The following SLC39A11 variants were observed in gnomAD, a reference collection of about 807,000 sequenced individuals.
SLC39A11 encodes the protein solute carrier family 39 member 11.
Under a neutral mutation model 36.1 loss-of-function variants are expected in SLC39A11, and 33 were observed. That is an observed-to-expected ratio of 0.91 (90% confidence interval 0.69 to 1.22). The LOEUF is 1.22. Ranked by LOEUF, SLC39A11 falls within the 50% of genes most tolerant of loss-of-function variation. SLC39A11 has a pLI of 0.00. For synonymous variants in SLC39A11, 166 were observed against 170.3 expected, an observed-to-expected ratio of 0.97 and a Z score of 0.20; for missense variants, 432 against 430.3, an observed-to-expected ratio of 1.00 and a Z score of -0.03.
At chr17:72,830,340 T>C (rs75583103) in intron 6 of SLC39A11, among the ~76,000 whole-genome samples, 1 of 151,808 alleles carries the variant, frequency 6.6e-6, no homozygotes, top group Non-Finnish European at 1.5e-5. Flanking sequence ...TTTTTTTTTT[T>C]CCTAAATCAG....
chr17:72,703,779 A>T (rs2072760535), intron 7 of SLC39A11, among the ~76,000 whole-genome samples: 1 of 152,250 alleles, frequency 6.6e-6, no homozygotes, highest in African/African-American at 2.4e-5. Context: ...GGAGAGGCTT[A>T]GAAATTAATT....
intron 6 of SLC39A11, among the ~76,000 whole-genome samples, chr17:72,797,895 C>G (rs2076946370): frequency 6.6e-6 from 1 of 152,146 alleles, no homozygotes; most frequent in Admixed American, 6.5e-5. Flanking sequence ...GAGTTTGCAT[C>G]TAGCATCTGG....
chr17:72,981,426 C>T (rs946090720), intron 4 of SLC39A11, among the ~76,000 whole-genome samples: 39 of 152,012 alleles, frequency 2.6e-4, no homozygotes, highest in African/African-American at 6.8e-4. Context: ...TTTACATTAA[C>T]GGAGAAAAGA....
rs141252157 is a variant in SLC39A11 at position 72,986,534 on chromosome 17, A to G, written c.307-38659T>C. 6.6e-5 allele frequency among the ~76,000 whole-genome samples: 10 copies of G among 152,208 alleles called. No homozygotes were observed. In the East Asian group the frequency reaches 1.9e-3, roughly 29 times the overall value. On this transcript the variant is annotated intron_variant, in intron 4 of 9. Transcript: ENST00000255559. ...AACTGTGAGGTCCCATTACTGCCAC[A>G]CTGCTGCACCCTCCACCCCCAGCTA...
intron 7 of SLC39A11, among the ~76,000 whole-genome samples, chr17:72,733,673 G>A (rs910193981): frequency 3.3e-5 from 5 of 152,174 alleles, no homozygotes; most frequent in Admixed American, 6.5e-5. Context: ...CAACAGGGTT[G>A]CCTGTTCACT....
chr17:72,894,296 A>T (rs2146781343), intron 5 of SLC39A11, among the ~76,000 whole-genome samples: 1 of 131,484 alleles, frequency 7.6e-6, no homozygotes, highest in South Asian at 2.7e-4. Flanking sequence ...CAGGAAGCGG[A>T]GGTTGCAGCA....
At chr17:72,963,853 C>A (rs1325730330) in intron 4 of SLC39A11, among the ~76,000 whole-genome samples, 1 of 152,140 alleles carries the variant, frequency 6.6e-6, no homozygotes. Flanking sequence ...TGTCCAGTAG[C>A]CCACCTTTAG....
At chr17:72,657,267 T>G (rs2070173669) in intron 7 of SLC39A11, among the ~76,000 whole-genome samples, 1 of 151,814 alleles carries the variant, frequency 6.6e-6, no homozygotes, top group African/African-American at 2.4e-5. Flanking sequence ...AGCTGAGGCA[T>G]GAGAATCGCT....
At chr17:73,020,963 G>A (rs2058331593) in intron 4 of SLC39A11, among the ~76,000 whole-genome samples, 4 of 152,104 alleles carry the variant, frequency 2.6e-5, no homozygotes, top group Admixed American at 6.5e-5. Context: ...TTACAGGCAT[G>A]AGCCACCACG....
intron 3 of SLC39A11, among the ~76,000 whole-genome samples, chr17:73,080,784 A>G (rs1457229396): frequency 6.6e-6 from 1 of 151,862 alleles, no homozygotes; most frequent in African/African-American, 2.4e-5. Context: ...GTCTCTACTG[A>G]AAATACAAAA....
chr17:72,665,390 T>TG (rs2070693972), intron 7 of SLC39A11, among the ~76,000 whole-genome samples: 1 of 49,180 alleles, frequency 2.0e-5, no homozygotes, highest in African/African-American at 2.4e-4. Flanking sequence ...TTTTGAGGTG[T>TG]TTTTTTTTTT....
chr17:72,743,703 T>C (rs533887009), intron 6 of SLC39A11, among the ~76,000 whole-genome samples: 2 of 151,608 alleles, frequency 1.3e-5, no homozygotes, highest in Non-Finnish European at 2.9e-5. Flanking sequence ...AAACGAGAAT[T>C]CAGGCCGACA....
intron 6 of SLC39A11, among the ~76,000 whole-genome samples, chr17:72,759,899 A>T (rs1166593336): frequency 6.6e-6 from 1 of 152,226 alleles, no homozygotes; most frequent in Non-Finnish European, 1.5e-5. Context: ...TCTTGTAATT[A>T]GTTACCTGTG....
intron 7 of SLC39A11, among the ~76,000 whole-genome samples, chr17:72,649,624 C>A (rs2069751790): frequency 2.1e-5 from 3 of 146,100 alleles, no homozygotes; most frequent in Admixed American, 2.0e-4. Context: ...GCCTCTGTTT[C>A]TTTTTCTTTT....
chr17:72,873,069 A>G (rs1239229770), intron 5 of SLC39A11, among the ~76,000 whole-genome samples: 8 of 150,378 alleles, frequency 5.3e-5, no homozygotes, highest in African/African-American at 1.5e-4. Context: ...AAAAAAAAAA[A>G]GAAAAAAAAA....
intron 3 of SLC39A11, among the ~76,000 whole-genome samples, chr17:73,074,454 C>T (rs796470647): frequency 9.9e-5 from 15 of 152,122 alleles, no homozygotes; most frequent in African/African-American, 2.9e-4. Context: ...CCCACCACCA[C>T]GCCCGGCTAA....
chr17:72,718,307 C>T (rs576054336), intron 7 of SLC39A11, among the ~76,000 whole-genome samples: 44 of 152,230 alleles, frequency 2.9e-4, no homozygotes, highest in African/African-American at 1.1e-3. Context: ...GGCATAGTGG[C>T]AGGCGCCTGT....
At chr17:73,063,632 A>AAAATTT (rs2059913094) in intron 3 of SLC39A11, among the ~76,000 whole-genome samples, 1 of 152,192 alleles carries the variant, frequency 6.6e-6, no homozygotes, top group African/African-American at 2.4e-5. Context: ...AATTAAAATT[A>AAAATTT]AAATTAAAAA....
chr17:72,954,500 G>A (rs527424820), intron 4 of SLC39A11, among the ~76,000 whole-genome samples: 1 of 152,186 alleles, frequency 6.6e-6, no homozygotes, highest in African/African-American at 2.4e-5. Flanking sequence ...AGGGGCTGGC[G>A]GGTGGCCTGC....
Sources: allele counts gnomAD v4.1 joint callset (sites outside exome capture counted in the v4.1 genomes callset), GRCh38; gene constraint gnomAD v4.1.1; transcripts MANE v1.5; gene names NCBI Gene and HGNC (gene_info 2026-07-23, HGNC 2026-07-21).